Variants in RPL39 observed in about 807,000 individuals in gnomAD.
The protein encoded by RPL39 is ribosomal protein L39.
For missense variants in RPL39, 6 were observed against 37.2 expected (o/e 0.16, Z 2.18); for synonymous variants, 8 against 11.4 (o/e 0.70, Z 0.60).
rs1046684280 is a variant in RPL39 at position 119,786,620 on chromosome X, A to T, written c.*64T>A. 1.2e-6 allele frequency: 1 copy of T among 850,062 alleles called. No individual in the cohort carries two copies. Among genetic ancestry groups the T allele is most frequent in the Admixed American group, 2.5e-5 (1 of 39,305 alleles). 70.1% of individuals were successfully genotyped at this position (850,062 alleles called of 1,213,427 possible). On this transcript the variant is annotated 3_prime_UTR_variant, in exon 3 of 3. Coordinates refer to ENST00000361575, the MANE Select transcript of RPL39 (RefSeq NM_001000.4). ...AGATAGTGGTGACATTTTCAGCTTG[A>T]TATGGTAACATGATCGTGACCTTCA...
rs12857400 is a variant in RPL39, at chrX:119,791,494, C to T, written c.3+80G>A. The T allele has an allele frequency of 9.5e-3, 9,085 of 956,867 alleles. 352 individuals are homozygous for T. In the African/African-American group the frequency reaches 0.12, roughly 13 times the overall value. The allele number at this position is 956,867 out of a possible 1,213,427, so 78.9% of individuals were successfully genotyped here. On this transcript the variant is annotated intron_variant, in intron 1 of 2. Coordinates refer to ENST00000361575, the MANE Select transcript of RPL39 (RefSeq NM_001000.4). ...AAAAGGCTCCCGCCCCTCAACGCTCCGCGCGGCCCAGGCATTTCCTGGCAG... is the reference window on the plus strand; with the variant it reads ...AAAAGGCTCCCGCCCCTCAACGCTCTGCGCGGCCCAGGCATTTCCTGGCAG...
chrX:119,790,871 T>C (rs1482950987), intron 1 of RPL39: 4 of 111,207 alleles, frequency 3.6e-5, no homozygotes, highest in African/African-American at 1.3e-4. Context: ...ACAGTAGCAG[T>C]TGTAAATTTT....
chrX:119,791,302 G>A (rs944531099), intron 1 of RPL39: 1 of 281,574 alleles, frequency 3.6e-6, no homozygotes. Context: ...AAGGGAAACC[G>A]GAATCCCTGC....
At chrX:119,791,265 G>A (rs2055699379) in intron 1 of RPL39, 1 of 246,542 alleles carries the variant, frequency 4.1e-6, no homozygotes, top group Non-Finnish European at 7.7e-6. Context: ...CCCACCCCCC[G>A]CCTCCAGAAC....
intron 2 of RPL39, among the ~76,000 whole-genome samples, chrX:119,789,430 G>A (rs957743809): frequency 2.7e-5 from 3 of 112,235 alleles, no homozygotes; most frequent in East Asian, 2.8e-4. Flanking sequence ...GGTGACGCAC[G>A]CCTGTAGTCC....
At chrX:119,787,183 C>T (rs2055671304) in intron 2 of RPL39, 1 of 257,371 alleles carries the variant, frequency 3.9e-6, no homozygotes, top group South Asian at 4.4e-5. Context: ...GGCAGGGTTT[C>T]ACCATGTTGG....
At chrX:119,788,881 C>T in intron 2 of RPL39, among the ~76,000 whole-genome samples, 1 of 112,324 alleles carries the variant, frequency 8.9e-6, no homozygotes, top group Non-Finnish European at 1.9e-5. Flanking sequence ...CATAGCAATT[C>T]TAGTAATGTT....
intron 2 of RPL39, chrX:119,787,443 A>C (rs779012496): frequency 1.9e-5 from 7 of 373,190 alleles, no homozygotes; most frequent in Non-Finnish European, 2.6e-5. Context: ...GGATAATGGC[A>C]GTACTTCCAC....
intron 2 of RPL39, chrX:119,787,589 C>G (rs2055674430): frequency 3.5e-6 from 1 of 286,221 alleles, no homozygotes; most frequent in Non-Finnish European, 6.6e-6. Flanking sequence ...AAATACCTTC[C>G]CAATTCTAGG....
At chrX:119,788,224 C>T (rs2055678554) in intron 2 of RPL39, among the ~76,000 whole-genome samples, 1 of 111,977 alleles carries the variant, frequency 8.9e-6, no homozygotes, top group Non-Finnish European at 1.9e-5. Flanking sequence ...ATCCCACTAG[C>T]TTTGCCATAC....
chrX:119,790,777 C>T lies in RPL39; in HGVS notation c.4-766G>A, dbSNP rs1313175104. 5 of 110,960 alleles carry T rather than the reference C, an allele frequency of 4.5e-5. No homozygotes were observed. In the East Asian group the frequency reaches 1.1e-3, roughly 25 times the overall value. The allele number at this position is 110,960 out of a possible 1,213,427, so 9.1% of individuals were successfully genotyped here. On this transcript the variant is annotated intron_variant, in intron 1 of 2. Coordinates refer to ENST00000361575, the MANE Select transcript of RPL39 (RefSeq NM_001000.4). ...AATTGGCACGGATGCAGGTTTAATG[C>T]CTGGCCAACCTGGACGAACATACCC...
rs762585422 is a variant in RPL39, at chrX:119,790,298, T to C, written c.4-287A>G. 3 of 200,170 alleles carry C rather than the reference T, an allele frequency of 1.5e-5. No individual in the cohort carries two copies. In the East Asian group the frequency reaches 2.9e-4, roughly 19 times the overall value. 16.5% of individuals were successfully genotyped at this position (200,170 alleles called of 1,213,427 possible). On this transcript the variant is annotated intron_variant, in intron 1 of 2. Transcript: ENST00000361575. ...CCAGGATTCAAACCCAGGTCCTTTC[T>C]GCTCCACAGCCAGAGGCTACCTTTC...
At chrX:119,790,348 ACT>A (rs1347020712) in intron 1 of RPL39, 1 of 146,028 alleles carries the variant, frequency 6.8e-6, no homozygotes, top group Non-Finnish European at 1.4e-5. Context: ...TCCCCCAAGG[ACT>A]CAGACGACCA....
chrX:119,789,848 T>TG lies in RPL39; in HGVS notation c.107+59dup, dbSNP rs878942771. 5.5e-5 allele frequency: 35 copies of TG among 633,610 alleles called. No homozygotes were observed. The South Asian group carries it at 8.0e-4, about 15-fold the overall frequency. The allele number at this position is 633,610 out of a possible 1,213,427, so 52.2% of individuals were successfully genotyped here. A position where few individuals can be genotyped will look rare whatever the true frequency, so the allele number is the denominator to read the frequency against. ...TGTATTTATACTCAAAAAGTAACCC[T>TG]GGCCAGACACAGTGGCTCTTACATT... On this transcript the variant is annotated intron_variant, in intron 2 of 2. Coordinates refer to ENST00000361575, the MANE Select transcript of RPL39 (RefSeq NM_001000.4).
chrX:119,787,121 C>T (rs1211532188), intron 2 of RPL39, among the ~76,000 whole-genome samples: 6 of 110,996 alleles, frequency 5.4e-5, no homozygotes, highest in Non-Finnish European at 7.5e-5. Context: ...CAGAGTCGCC[C>T]GCCCCCCCAA....
intron 2 of RPL39, chrX:119,787,385 C>T (rs56244504): frequency 2.7e-6 from 1 of 373,193 alleles, no homozygotes; most frequent in African/African-American, 2.6e-5. Context: ...TGATTTTACC[C>T]TCATAAAGGC....
intron 2 of RPL39, among the ~76,000 whole-genome samples, chrX:119,788,435 G>A (rs1358554699): frequency 9.1e-6 from 1 of 109,817 alleles, no homozygotes; most frequent in Non-Finnish European, 1.9e-5. Context: ...GGGAGGCTGA[G>A]CAAGAGAATC....
chrX:119,787,102 T>G (rs1178352106), intron 2 of RPL39, among the ~76,000 whole-genome samples: 2 of 111,539 alleles, frequency 1.8e-5, no homozygotes, highest in Admixed American at 9.6e-5. Context: ...CATGATATTT[T>G]TTTTGAGACA....
rs1014682306 is a variant in RPL39 at position 119,786,585 on chromosome X, C to T, written c.*99G>A. ...AACAGATTCAGAGAGGAAAACACGT[C>T]GAAATCTCCAGATAGTGGTGACATT... is the stretch of plus-strand genomic sequence containing the variant. On this transcript the variant is annotated 3_prime_UTR_variant, in exon 3 of 3. Coordinates refer to ENST00000361575, the MANE Select transcript of RPL39 (RefSeq NM_001000.4). 7 of 634,642 alleles carry T rather than the reference C, an allele frequency of 1.1e-5. No homozygotes were observed. The East Asian group carries it at 1.7e-4, about 15-fold the overall frequency. The allele number at this position is 634,642 out of a possible 1,213,427, so 52.3% of individuals were successfully genotyped here.
Sources: gnomAD v4.1 joint callset for allele counts (sites outside exome capture counted in the v4.1 genomes callset) on GRCh38, gnomAD v4.1.1 for gene constraint, MANE v1.5 for transcripts, NCBI Gene and HGNC (gene_info 2026-07-23, HGNC 2026-07-21) for gene names.